Variants in BTN2A2 observed in about 807,000 individuals in gnomAD.
The protein encoded by BTN2A2 is butyrophilin 2.
A neutral mutation model predicts 34.7 loss-of-function variants in BTN2A2; 29 were observed. The observed-to-expected ratio is 0.84, with a 90% confidence interval of 0.62 to 1.14. BTN2A2 has a LOEUF of 1.14. Among genes scored for constraint, BTN2A2 ranks in the 50% most tolerant of loss-of-function variants. The pLI is 0.00. For missense variants in BTN2A2, 612 were observed against 651.5 expected (o/e 0.94, Z 0.66); for synonymous variants, 240 against 253.1 (o/e 0.95, Z 0.49).
Position 26,390,060 on chromosome 6 carries a change from C to T in BTN2A2, c.780C>T (p.Thr260=), listed in dbSNP as rs531803629. The change falls in exon 5 of 8, where the codon ACC becomes ACT. Residue 260 remains threonine, a synonymous_variant. Coordinates refer to ENST00000356709, the MANE Select transcript of BTN2A2 (RefSeq NM_006995.5). ...TGGTGGCCCTAGCTGTCATCCTGACCGCATCTCCCTGGATGGTGTCCATGA... is the reference window on the plus strand; with the variant it reads ...TGGTGGCCCTAGCTGTCATCCTGACTGCATCTCCCTGGATGGTGTCCATGA... ...PWMVALAVIL[T]ASPWMVSMTV... is the part of the protein sequence containing the mutation. 77 of 1,614,012 alleles carry T rather than the reference C, an allele frequency of 4.8e-5. No individual in the cohort carries two copies. The highest frequency in any genetic ancestry group is 5.5e-5 in the Non-Finnish European group (65 of 1,180,040).
chr6:26,385,552 C>A, intron 3 of BTN2A2, 190 bp downstream of exon 3: 2 of 428,130 alleles, frequency 4.7e-6, no homozygotes, highest in Non-Finnish European at 8.4e-6. Flanking sequence ...GGTTTCACTT[C>A]TTTTTTTTTT....
At chr6:26,385,841 C>T (rs916593039) in intron 3 of BTN2A2, among the ~76,000 whole-genome samples, 26 of 152,200 alleles carry the variant, frequency 1.7e-4, no homozygotes, top group African/African-American at 6.0e-4. Context: ...TGCGCCACCA[C>T]GCCCAGCCTG....
chr6:26,388,411 A>T, intron 4 of BTN2A2, 117 bp downstream of exon 4: 1 of 1,236,220 alleles, frequency 8.1e-7, no homozygotes, highest in African/African-American at 1.5e-5. Context: ...GGCCCTGAGG[A>T]GCTGGAGGCT....
Position 26,390,698 on chromosome 6 carries a change from GA to G in BTN2A2, c.945del (p.Glu316AsnfsTer34). On this transcript the variant is annotated frameshift_variant, in exon 6 of 8. Transcript: ENST00000356709. LOFTEE classifies it low-confidence loss of function (END_TRUNC). ...EEKEIAQQLQ[E>X]ELRWRRTFLH... is the part of the protein sequence containing the mutation. The stretch of plus-strand genomic sequence containing the variant: ...TATTTTGTTTTCAGAGCAACTTCAA[GA>G]AGAATTGCGTAAGTTTAGCCTTTCC... 6.2e-7 allele frequency: 1 copy of G among 1,614,238 alleles called. No individual in the cohort carries two copies. Among genetic ancestry groups the G allele is most frequent in the Non-Finnish European group, 8.5e-7 (1 of 1,180,040 alleles).
In BTN2A2 at chr6:26,383,966, C is replaced by A; in HGVS notation, c.94+51C>A. The A allele has an allele frequency of 6.4e-7, 1 of 1,564,118 alleles. No individual in the cohort carries two copies. The highest frequency in any genetic ancestry group is 8.8e-7 in the Non-Finnish European group (1 of 1,134,764). ...GTCACCTCTCAGAAAGGAACATCAA[C>A]CCTGTAGTCTGCAAAGGGAAAGAAG... On this transcript the variant is annotated intron_variant, in intron 2 of 7. Coordinates refer to ENST00000356709, the MANE Select transcript of BTN2A2 (RefSeq NM_006995.5). The surrounding 1 kb of genome is among the most constrained non-coding windows in gnomAD (Gnocchi z 4.4).
Sources: allele counts gnomAD v4.1 joint callset (sites outside exome capture counted in the v4.1 genomes callset), GRCh38; gene constraint gnomAD v4.1.1; non-coding constraint Gnocchi (gnomAD v3.1); transcripts MANE v1.5; gene names NCBI Gene and HGNC (gene_info 2026-07-23, HGNC 2026-07-21).